The following NOTCH2 variants were observed in gnomAD, a reference collection of about 807,000 sequenced individuals.
NOTCH2 encodes neurogenic locus notch homolog protein 2.
In NOTCH2, 29 loss-of-function variants were observed where a neutral mutation model predicts 235.8. The ratio of observed to expected loss-of-function variants is 0.12; its 90% CI spans 0.09 to 0.17. NOTCH2 has a LOEUF of 0.17. Among genes scored for constraint, NOTCH2 ranks in the 10% least tolerant of loss-of-function variants. NOTCH2 has a pLI of 1.00. For synonymous variants in NOTCH2, 1,086 were observed against 1,141.5 expected, an observed-to-expected ratio of 0.95 and a Z score of 0.98; for missense variants, 2,285 against 3,150.2, an observed-to-expected ratio of 0.73 and a Z score of 6.57.
chr1:119,960,925 C>A (rs1650914463), intron 11 of NOTCH2, among the ~76,000 whole-genome samples: 1 of 152,110 alleles, frequency 6.6e-6, no homozygotes, highest in Admixed American at 6.5e-5. Context: ...CTCGGCCTCC[C>A]AAAATGTTGA....
At chr1:120,041,482 T>C (rs1303575449) in intron 1 of NOTCH2, among the ~76,000 whole-genome samples, 8 of 125,098 alleles carry the variant, frequency 6.4e-5, no homozygotes, top group Admixed American at 1.7e-4. Flanking sequence ...GTTGCTGGAA[T>C]GACAAAGACA....
chr1:120,029,475 C>T (rs1484792965), intron 2 of NOTCH2, among the ~76,000 whole-genome samples: 40 of 151,198 alleles, frequency 2.6e-4, no homozygotes, highest in Admixed American at 2.6e-4. Flanking sequence ...CTCAGCCTCC[C>T]GAGTAGCTGG....
rs369304708 is a variant in NOTCH2, at chr1:119,925,567, G to T, written c.4249C>A (p.Pro1417Thr). The change falls in exon 25 of 34, where the codon CCC becomes ACC. Residue 1417 changes from proline to threonine, a missense_variant. Transcript: ENST00000256646. The stretch of plus-strand genomic sequence containing the variant: ...CAGGTGGCAGGAGGGGTGCTGGGGG[G>T]TGCCGTGTAGAGTTCACAGCGGCTA... ...SGSRCELYTA[P>T]PSTPPATCLS... 5 of 1,614,018 alleles carry T rather than the reference G, an allele frequency of 3.1e-6. No homozygotes were observed. The highest frequency in any genetic ancestry group is 2.7e-5 in the African/African-American group (2 of 74,922).
chr1:119,925,322 C>T lies in NOTCH2; in HGVS notation c.4494G>A (p.Gly1498=), dbSNP rs947914834. The change falls in exon 25 of 34, where the codon GGG becomes GGA. Residue 1498 remains glycine (G), a synonymous_variant. Transcript: ENST00000256646. The part of the protein sequence containing the change: ...ECLFDNFECQ[G]NSKTCKYDKY... The stretch of plus-strand genomic sequence containing the variant: ...GCCCTTACTTGCATGTCTTGCTGTT[C>T]CCCTGGCATTCAAAGTTGTCAAACA... The T allele has an allele frequency of 1.2e-6, 2 of 1,613,926 alleles. No individual in the cohort carries two copies. Among genetic ancestry groups the T allele is most frequent in the Middle Eastern group, 3.4e-4 (2 of 5,856 alleles).
rs1571143984 is a variant in NOTCH2, at chr1:119,914,092, G to A, written c.*1214C>T. The A allele has an allele frequency of 1.3e-5, 3 of 233,126 alleles. No individual in the cohort carries two copies. Among genetic ancestry groups the A allele is most frequent in the Non-Finnish European group, 2.5e-5 (3 of 118,042 alleles). 14.4% of individuals were successfully genotyped at this position (233,126 alleles called of 1,614,324 possible). A position where few individuals can be genotyped will look rare whatever the true frequency, so the allele number is the denominator to read the frequency against. On this transcript the variant is annotated 3_prime_UTR_variant, in exon 34 of 34. Transcript: ENST00000256646. ...AAGACAACTGTCACTGGGTCCCTTG[G>A]GCTAAGGAAAGTTCAGTCCTAAATG...
intron 13 of NOTCH2, 136 bp downstream of exon 13, chr1:119,954,904 T>C (rs1553198213): frequency 2.4e-6 from 2 of 829,364 alleles, no homozygotes; most frequent in Non-Finnish European, 2.0e-6. Flanking sequence ...TCAGAAGGCT[T>C]TGATGCAGAC....
intron 17 of NOTCH2, among the ~76,000 whole-genome samples, chr1:119,944,533 TAAA>T (rs59660919): frequency 3.2e-5 from 2 of 63,178 alleles, no homozygotes; most frequent in African/African-American, 6.2e-5. Context: ...AGACTCAGTC[TAAA>T]AAAAAAAAAA....
chr1:120,063,180 G>T (rs1276537335), intron 1 of NOTCH2, among the ~76,000 whole-genome samples: 18 of 151,944 alleles, frequency 1.2e-4, no homozygotes, highest in African/African-American at 4.1e-4. Context: ...GTTTTGTTCT[G>T]CTCAAGAAGC....
intron 1 of NOTCH2, among the ~76,000 whole-genome samples, chr1:120,041,041 CAAAAAAAAA>C (rs71586698): frequency 6.4e-5 from 1 of 15,666 alleles, no homozygotes; most frequent in African/African-American, 2.9e-4. Flanking sequence ...ACTCTGCCTG[CAAAAAAAAA>C]AAAAAAAAAA....
intron 5 of NOTCH2, among the ~76,000 whole-genome samples, chr1:119,980,782 G>A (rs1167970958): frequency 1.3e-5 from 2 of 152,076 alleles, no homozygotes; most frequent in Admixed American, 6.6e-5. Flanking sequence ...AACAAATAAC[G>A]CAGTAAGAGA....
intron 23 of NOTCH2, among the ~76,000 whole-genome samples, chr1:119,927,999 T>C (rs1371177653): frequency 6.6e-6 from 1 of 152,176 alleles, no homozygotes; most frequent in Non-Finnish European, 1.5e-5. Context: ...TTAAAGCCTA[T>C]TTTCTGACTC....
chr1:119,922,781 G>T lies in NOTCH2; in HGVS notation c.4860-3C>A. 1 of 1,614,144 alleles carries T rather than the reference G, an allele frequency of 6.2e-7. No homozygotes were observed. The highest frequency in any genetic ancestry group is 8.5e-7 in the Non-Finnish European group (1 of 1,180,044). On this transcript the variant is annotated splice_region_variant and splice_polypyrimidine_tract_variant and intron_variant, in intron 26 of 33. Coordinates refer to ENST00000256646, the MANE Select transcript of NOTCH2 (RefSeq NM_024408.4). ...CAATTTCCAGAAAGACTTTAGAGCTGTGGGATGCCAAGGGAGAAGCGGAGG... is the reference window on the plus strand; with the variant it reads ...CAATTTCCAGAAAGACTTTAGAGCTTTGGGATGCCAAGGGAGAAGCGGAGG...
At position 119,980,731 on chromosome 1, in the gene NOTCH2, T is replaced by C. The variant is rs370059810; in HGVS notation, c.874+6229A>G. On this transcript the variant is annotated intron_variant, in intron 5 of 33. Transcript: ENST00000256646. ...GGAATGTCAAAATAAGTAAGAGCAGTTTCCTGCCTTCCAGAGGCTGATAGT... is the reference window on the plus strand; with the variant it reads ...GGAATGTCAAAATAAGTAAGAGCAGCTTCCTGCCTTCCAGAGGCTGATAGT... Among the ~76,000 whole-genome samples, 15 of 152,318 alleles carry C rather than the reference T, an allele frequency of 9.8e-5. No homozygotes were observed. In the South Asian group the frequency reaches 2.7e-3, roughly 27 times the overall value.
At chr1:119,936,250 G>T (rs587641991) in intron 21 of NOTCH2, among the ~76,000 whole-genome samples, 1 of 152,334 alleles carries the variant, frequency 6.6e-6, no homozygotes, top group South Asian at 2.1e-4. Context: ...GGGTAGGTGA[G>T]TAAGGGGAAG....
At chr1:119,955,896 T>G (rs1158549207) in intron 12 of NOTCH2, among the ~76,000 whole-genome samples, 1 of 152,228 alleles carries the variant, frequency 6.6e-6, no homozygotes, top group African/African-American at 2.4e-5. Flanking sequence ...ATGTGCAAAA[T>G]CATCACTTTA....
In NOTCH2 at chr1:119,919,619, G is replaced by A. The variant is rs587596299; in HGVS notation, c.5480-6C>T. On this transcript the variant is annotated splice_polypyrimidine_tract_variant and splice_region_variant and intron_variant, in intron 30 of 33. Transcript: ENST00000256646. ...CATCAATGGGGTGCAGCCATCTGTA[G>A]GAATGGAAAATTCCATAAAGTACTC... is the stretch of plus-strand genomic sequence containing the variant. 2 of 1,613,552 alleles carry A rather than the reference G, an allele frequency of 1.2e-6. No homozygotes were observed. Among genetic ancestry groups the A allele is most frequent in the Admixed American group, 3.3e-5 (2 of 59,954 alleles).
At chr1:119,941,253 C>T (rs587761807) in intron 18 of NOTCH2, among the ~76,000 whole-genome samples, 1 of 152,298 alleles carries the variant, frequency 6.6e-6, no homozygotes, top group East Asian at 1.9e-4. Flanking sequence ...GAATGAGAGG[C>T]CAAGGGAAGA....
chr1:119,987,221 A>G (rs1553202343), intron 4 of NOTCH2, 139 bp from the exon 5 acceptor site: 10 of 977,686 alleles, frequency 1.0e-5, no homozygotes, highest in African/African-American at 1.6e-5. Context: ...GACTCACCAT[A>G]TGAAAAATCC....
At chr1:119,963,934 A>G in intron 10 of NOTCH2, 127 bp from the exon 11 acceptor site, 1 of 835,060 alleles carries the variant, frequency 1.2e-6, no homozygotes, top group South Asian at 1.4e-5. Context: ...GCAGGTCTTG[A>G]GCAGTAGAAA....
Sources: allele counts gnomAD v4.1 joint callset (sites outside exome capture counted in the v4.1 genomes callset), GRCh38; gene constraint gnomAD v4.1.1; transcripts MANE v1.5; gene names NCBI Gene and HGNC (gene_info 2026-07-23, HGNC 2026-07-21).